The following FAT3 variants were observed in gnomAD, a reference collection of about 807,000 sequenced individuals.
FAT3 encodes the protein protocadherin Fat 3.
Under a neutral mutation model 310.2 loss-of-function variants are expected in FAT3, and 95 were observed. The ratio of observed to expected loss-of-function variants is 0.31; its 90% CI spans 0.26 to 0.36. The LOEUF (loss-of-function observed/expected upper bound fraction) is 0.36. Ranked by LOEUF, FAT3 falls within the 10% of genes least tolerant of loss-of-function variation. The pLI is 1.00. For missense variants in FAT3, 5,408 were observed against 5,715.6 expected, an observed-to-expected ratio of 0.95 and a Z score of 1.74; for synonymous variants, 2,314 against 2,192.9, an observed-to-expected ratio of 1.06 and a Z score of -1.54.
chr11:92,534,450 G>T (rs557687218), intron 3 of FAT3, among the ~76,000 whole-genome samples: 1 of 152,282 alleles, frequency 6.6e-6, no homozygotes, highest in South Asian at 2.1e-4. Flanking sequence ...AATGATCCTA[G>T]AACTTTGTGG....
In FAT3 at chr11:92,745,209, G is replaced by T. The variant is rs535376471; in HGVS notation, c.3670-16647G>T. Among the ~76,000 whole-genome samples, 116 of 152,310 alleles carry T rather than the reference G, an allele frequency of 7.6e-4. 1 individual carries two copies. Among genetic ancestry groups the T allele is most frequent in the Middle Eastern group, 3.4e-3 (1 of 294 alleles). ...TACTTTCTGTTGTAATTTATATCTG[G>T]TGGATTCTGTTTCATGGAGAGGGGA... On this transcript the variant is annotated intron_variant, in intron 4 of 27. Coordinates refer to ENST00000525166, the MANE Select transcript of FAT3 (RefSeq NM_001367949.2).
chr11:92,270,342 T>A (rs941481541), intron 1 of FAT3, among the ~76,000 whole-genome samples: 2 of 152,024 alleles, frequency 1.3e-5, no homozygotes, highest in Non-Finnish European at 2.9e-5. Context: ...GTCAACATTG[T>A]TCTCTCCCAC....
intron 1 of FAT3, among the ~76,000 whole-genome samples, chr11:92,335,637 A>G (rs752326483): frequency 4.3e-4 from 65 of 152,200 alleles, no homozygotes; most frequent in African/African-American, 1.4e-3. Context: ...TGTAAAATTG[A>G]CCATCTTAGC....
At chr11:92,312,629 C>A (rs1180483435) in intron 1 of FAT3, among the ~76,000 whole-genome samples, 2 of 152,112 alleles carry the variant, frequency 1.3e-5, no homozygotes, top group African/African-American at 4.8e-5. Flanking sequence ...ATGGAGAGAA[C>A]CCAGCAAATT....
At chr11:92,253,707 AC>A (rs1865214020) in intron 1 of FAT3, among the ~76,000 whole-genome samples, 1 of 152,158 alleles carries the variant, frequency 6.6e-6, no homozygotes, top group African/African-American at 2.4e-5. Flanking sequence ...ATGAAGCAAT[AC>A]TATTTTTAGT....
At chr11:92,511,941 C>A (rs944137192) in intron 2 of FAT3, among the ~76,000 whole-genome samples, 4 of 152,232 alleles carry the variant, frequency 2.6e-5, no homozygotes, top group African/African-American at 9.6e-5. Context: ...TACCAAAGAG[C>A]TGATACTAAC....
chr11:92,533,903 T>C (rs1479537556), intron 3 of FAT3, among the ~76,000 whole-genome samples: 1 of 152,134 alleles, frequency 6.6e-6, no homozygotes, highest in African/African-American at 2.4e-5. Context: ...GATAGAGTCA[T>C]GTAAATAGAG....
chr11:92,790,257 C>G, intron 8 of FAT3, 39 bp downstream of exon 8: 1 of 1,603,154 alleles, frequency 6.2e-7, no homozygotes, highest in South Asian at 1.1e-5. Context: ...TACAGAACCA[C>G]TGACTGTTCA....
intron 2 of FAT3, among the ~76,000 whole-genome samples, chr11:92,492,596 G>A (rs1952641083): frequency 1.3e-5 from 2 of 151,984 alleles, no homozygotes; most frequent in African/African-American, 2.4e-5. Flanking sequence ...TGGTTTGGAA[G>A]ATAGGAAGGT....
intron 2 of FAT3, among the ~76,000 whole-genome samples, chr11:92,445,559 GAC>G (rs1951188857): frequency 2.0e-5 from 3 of 152,108 alleles, no homozygotes; most frequent in Admixed American, 2.0e-4. Context: ...GGTCCACTGT[GAC>G]TCACCCTTAG....
intron 3 of FAT3, among the ~76,000 whole-genome samples, chr11:92,535,584 A>G (rs1269882907): frequency 1.3e-5 from 2 of 152,184 alleles, no homozygotes; most frequent in Non-Finnish European, 2.9e-5. Flanking sequence ...ACTAGACAAA[A>G]TGGTAAGAAC....
intron 2 of FAT3, among the ~76,000 whole-genome samples, chr11:92,386,424 A>C (rs1328905383): frequency 5.9e-5 from 9 of 152,240 alleles, no homozygotes; most frequent in Non-Finnish European, 7.3e-5. Context: ...AAAGACATTG[A>C]ATGAATGCAT....
At chr11:92,829,332 C>A (rs933029430) in intron 13 of FAT3, among the ~76,000 whole-genome samples, 8 of 152,172 alleles carry the variant, frequency 5.3e-5, no homozygotes, top group Non-Finnish European at 1.2e-4. Flanking sequence ...AGCAGCGTAC[C>A]ATATGCTGGA....
At chr11:92,810,702 C>T (rs1029252767) in intron 13 of FAT3, among the ~76,000 whole-genome samples, 4 of 152,082 alleles carry the variant, frequency 2.6e-5, no homozygotes, top group Non-Finnish European at 2.9e-5. Context: ...AAAGTTTATG[C>T]TCAGATCCAC....
intron 2 of FAT3, among the ~76,000 whole-genome samples, chr11:92,442,510 T>C (rs1051665264): frequency 1.3e-5 from 2 of 152,122 alleles, no homozygotes; most frequent in African/African-American, 2.4e-5. Flanking sequence ...AATGCATCTA[T>C]AGCCTCCCTG....
chr11:92,473,017 C>A (rs926762659), intron 2 of FAT3, among the ~76,000 whole-genome samples: 1 of 152,164 alleles, frequency 6.6e-6, no homozygotes, highest in African/African-American at 2.4e-5. Context: ...GCTTTGCAAA[C>A]CTGCTTATCC....
At chr11:92,474,573 A>G (rs777943256) in intron 2 of FAT3, among the ~76,000 whole-genome samples, 1 of 152,038 alleles carries the variant, frequency 6.6e-6, no homozygotes, top group Non-Finnish European at 1.5e-5. Flanking sequence ...GTAGGTGTCA[A>G]AAGGCCTTAG....
At chr11:92,360,906 G>A (rs999927045) in intron 2 of FAT3, among the ~76,000 whole-genome samples, 1 of 152,206 alleles carries the variant, frequency 6.6e-6, no homozygotes, top group African/African-American at 2.4e-5. Context: ...GAACTCTAGT[G>A]TAATGGACTC....
intron 2 of FAT3, among the ~76,000 whole-genome samples, chr11:92,356,568 T>C (rs1948735930): frequency 6.6e-6 from 1 of 152,154 alleles, no homozygotes; most frequent in Non-Finnish European, 1.5e-5. Flanking sequence ...CTTCTTTCCA[T>C]GTCACATGGC....
Sources: allele counts gnomAD v4.1 joint callset (sites outside exome capture counted in the v4.1 genomes callset), GRCh38; gene constraint gnomAD v4.1.1; transcripts MANE v1.5; gene names NCBI Gene and HGNC (gene_info 2026-07-23, HGNC 2026-07-21).